MGAT4C: variants seen among roughly 807,000 people sequenced by gnomAD.
MGAT4C encodes the protein MGAT4 family member C.
A neutral mutation model predicts 40.1 loss-of-function variants in MGAT4C; 19 were observed. That is an observed-to-expected ratio of 0.47 (90% CI 0.33 to 0.70). MGAT4C has a LOEUF of 0.70. Ranked by LOEUF, MGAT4C falls within the 30% of genes least tolerant of loss-of-function variation. The pLI, the probability that MGAT4C is intolerant of heterozygous loss-of-function variation, is 0.02. For missense variants in MGAT4C, 491 were observed against 563.2 expected (o/e 0.87, Z 1.30); for synonymous variants, 181 against 187.1 (o/e 0.97, Z 0.27).
chr12:85,995,580 C>T (rs1357423962), intron 2 of MGAT4C, among the ~76,000 whole-genome samples: 1 of 152,142 alleles, frequency 6.6e-6, no homozygotes, highest in African/African-American at 2.4e-5. Context: ...AAAAAGAATA[C>T]TCAGAGGCCA....
chr12:86,817,778 G>A (rs1393769081), intron 1 of MGAT4C, among the ~76,000 whole-genome samples: 1 of 151,348 alleles, frequency 6.6e-6, no homozygotes, highest in Non-Finnish European at 1.5e-5. Context: ...AGCCAAAATT[G>A]AAAATCACAG....
At chr12:86,284,363 G>A (rs1298536907) in intron 4 of MGAT4C, among the ~76,000 whole-genome samples, 3 of 151,606 alleles carry the variant, frequency 2.0e-5, no homozygotes, top group Middle Eastern at 3.4e-3. Flanking sequence ...TGTGGTCCTC[G>A]CAAAGCTTCT....
intron 2 of MGAT4C, among the ~76,000 whole-genome samples, chr12:86,630,080 A>C (rs1312612248): frequency 2.0e-5 from 3 of 152,104 alleles, no homozygotes; most frequent in African/African-American, 7.2e-5. Context: ...TATCACCACC[A>C]ATCCCACAGA....
At chr12:86,132,360 TTC>T (rs919478547) in intron 1 of MGAT4C, among the ~76,000 whole-genome samples, 3 of 145,922 alleles carry the variant, frequency 2.1e-5, no homozygotes, top group African/African-American at 8.2e-5. Context: ...GTTTAGACGA[TTC>T]TCTTTTTTTT....
chr12:86,361,977 C>T (rs534038693), intron 3 of MGAT4C, among the ~76,000 whole-genome samples: 31 of 152,198 alleles, frequency 2.0e-4, no homozygotes, highest in Non-Finnish European at 3.5e-4. Flanking sequence ...CCAGCCATCC[C>T]ATTACTGGGT....
Position 86,769,919 on chromosome 12 carries a change from A to G in MGAT4C, c.-261-42678T>C, listed in dbSNP as rs548047028. 9.2e-5 allele frequency among the ~76,000 whole-genome samples: 14 copies of G among 152,130 alleles called. 1 individual carries two copies. In the Middle Eastern group the frequency reaches 0.017, roughly 185 times the overall value. On this transcript the variant is annotated intron_variant, in intron 1 of 7. Coordinates refer to the MGAT4C transcript ENST00000548651. ...GGAGATATACCTAATGCTAAATGAC[A>G]AGTTAATGGGTGCAGCACACCAGCA...
chr12:86,203,786 C>G (rs1950140493), intron 1 of MGAT4C, among the ~76,000 whole-genome samples: 2 of 151,306 alleles, frequency 1.3e-5, no homozygotes, highest in Admixed American at 1.3e-4. Flanking sequence ...GGTGAAACCC[C>G]GTCTCTACTA....
chr12:85,957,273 A>T lies in MGAT4C; in HGVS notation c.*22016T>A, dbSNP rs749349320. 1.3e-5 allele frequency: 2 copies of T among 152,156 alleles called. No homozygotes were observed. The highest frequency in any genetic ancestry group is 2.9e-5 in the Non-Finnish European group (2 of 68,030). 9.4% of individuals were successfully genotyped at this position (152,156 alleles called of 1,614,324 possible). A position where few individuals can be genotyped will look rare whatever the true frequency, so the allele number is the denominator to read the frequency against. On this transcript the variant is annotated 3_prime_UTR_variant, in exon 5 of 5. Coordinates refer to ENST00000611864, the MANE Select transcript of MGAT4C (RefSeq NM_001351288.2). ...TGTAAATAAAGTCATATTATTTGTG[A>T]AAGACCAAGGCCAAGGATCTTGCCC...
At chr12:86,486,669 T>C (rs1371185429) in intron 2 of MGAT4C, among the ~76,000 whole-genome samples, 2 of 152,110 alleles carry the variant, frequency 1.3e-5, no homozygotes, top group African/African-American at 4.8e-5. Context: ...GAAAGATTAT[T>C]GAGGCAAACA....
intron 2 of MGAT4C, among the ~76,000 whole-genome samples, chr12:86,487,070 A>G (rs1316992448): frequency 6.6e-6 from 1 of 152,196 alleles, no homozygotes; most frequent in African/African-American, 2.4e-5. Context: ...AATAACTGTG[A>G]CAGAAGAATC....
At chr12:86,151,094 G>A (rs1159926172) in intron 1 of MGAT4C, among the ~76,000 whole-genome samples, 1 of 152,098 alleles carries the variant, frequency 6.6e-6, no homozygotes, top group African/African-American at 2.4e-5. Flanking sequence ...GACTGGTAAA[G>A]CATGTCCCAA....
chr12:86,560,329 T>C (rs917707935), intron 2 of MGAT4C, among the ~76,000 whole-genome samples: 2 of 151,562 alleles, frequency 1.3e-5, no homozygotes, highest in African/African-American at 4.8e-5. Flanking sequence ...AAAGATACAG[T>C]AATAAAAATG....
chr12:86,593,292 T>G (rs2136450910), intron 2 of MGAT4C, among the ~76,000 whole-genome samples: 1 of 152,196 alleles, frequency 6.6e-6, no homozygotes, highest in South Asian at 2.1e-4. Context: ...GGTAGCTAAA[T>G]GTTGATTTTG....
At chr12:86,456,325 G>A (rs1017031288) in intron 2 of MGAT4C, among the ~76,000 whole-genome samples, 1 of 152,018 alleles carries the variant, frequency 6.6e-6, no homozygotes, top group East Asian at 1.9e-4. Context: ...CATAATCAAC[G>A]TTAGTTATCG....
At chr12:86,803,512 C>G (rs1952276094) in intron 1 of MGAT4C, among the ~76,000 whole-genome samples, 1 of 151,940 alleles carries the variant, frequency 6.6e-6, no homozygotes, top group Non-Finnish European at 1.5e-5. Context: ...TCCCAACCTA[C>G]TCATCTGACA....
In MGAT4C at chr12:85,971,917, T is replaced by G. The variant is rs145961212; in HGVS notation, c.*7372A>C. 2.2e-3 allele frequency: 337 copies of G among 151,310 alleles called. 1 individual carries two copies. Among genetic ancestry groups the G allele is most frequent in the African/African-American group, 7.1e-3 (294 of 41,492 alleles). The allele number at this position is 151,310 out of a possible 1,614,324, so 9.4% of individuals were successfully genotyped here. A position where few individuals can be genotyped will look rare whatever the true frequency, so the allele number is the denominator to read the frequency against. The stretch of plus-strand genomic sequence containing the variant: ...TCAATAGTCAGAATTGAATGAGAGA[T>G]AGGTTGTTGGGAATATTCAGGGTGA... On this transcript the variant is annotated 3_prime_UTR_variant, in exon 5 of 5. Coordinates refer to ENST00000611864, the MANE Select transcript of MGAT4C (RefSeq NM_001351288.2).
At chr12:86,255,015 G>A (rs78853733) in intron 1 of MGAT4C, among the ~76,000 whole-genome samples, 10,311 of 152,078 alleles carry the variant, frequency 0.068, 837 homozygotes, top group East Asian at 0.24. Flanking sequence ...TCCAAATCCT[G>A]AGTTTTAATT....
In MGAT4C at chr12:85,978,938, A is replaced by C; in HGVS notation, c.*351T>G. ...ATGAATTATCAGTTCTTGAGGAAGTATATACAGTTGGTGACTATTTTTCAA... is the reference window on the plus strand; with the variant it reads ...ATGAATTATCAGTTCTTGAGGAAGTCTATACAGTTGGTGACTATTTTTCAA... On this transcript the variant is annotated 3_prime_UTR_variant, in exon 5 of 5. Coordinates refer to ENST00000611864, the MANE Select transcript of MGAT4C (RefSeq NM_001351288.2). 5.9e-6 allele frequency: 1 copy of C among 170,042 alleles called. No homozygotes were observed. 10.5% of individuals were successfully genotyped at this position (170,042 alleles called of 1,614,324 possible).
intron 3 of MGAT4C, among the ~76,000 whole-genome samples, chr12:86,345,984 T>A (rs1301023991): frequency 6.6e-6 from 1 of 152,202 alleles, no homozygotes; most frequent in Non-Finnish European, 1.5e-5. Flanking sequence ...TGGTTTTGAT[T>A]TGCATTTCTC....
Sources: allele counts gnomAD v4.1 joint callset (sites outside exome capture counted in the v4.1 genomes callset), GRCh38; gene constraint gnomAD v4.1.1; transcripts MANE v1.5; gene names NCBI Gene and HGNC (gene_info 2026-07-23, HGNC 2026-07-21).